The following RFTN2 variants were observed in gnomAD, a reference collection of about 807,000 sequenced individuals.
RFTN2 encodes the protein raftlin family member 2.
In RFTN2, 34 loss-of-function variants were observed where a neutral mutation model predicts 52.7. The ratio of observed to expected loss-of-function variants is 0.64; its 90% CI spans 0.49 to 0.86. The LOEUF (loss-of-function observed/expected upper bound fraction) is 0.86. Ranked by LOEUF, RFTN2 falls within the 40% of genes least tolerant of loss-of-function variation. The pLI, the probability that RFTN2 is intolerant of heterozygous loss-of-function variation, is 0.00. For missense variants in RFTN2, 536 were observed against 600.1 expected (o/e 0.89, Z 1.12); for synonymous variants, 203 against 217.7 (o/e 0.93, Z 0.59).
At chr2:197,664,486 A>G (rs1231391651) in intron 1 of RFTN2, among the ~76,000 whole-genome samples, 1 of 150,944 alleles carries the variant, frequency 6.6e-6, no homozygotes, top group African/African-American at 2.4e-5. Context: ...AAAAAAAAAA[A>G]AAAGTTGGCT....
chr2:197,573,585 G>A (rs2087362366), intron 8 of RFTN2, among the ~76,000 whole-genome samples: 1 of 152,188 alleles, frequency 6.6e-6, no homozygotes, highest in African/African-American at 2.4e-5. Flanking sequence ...TGATACCATA[G>A]AAAAGAAAAA....
At chr2:197,638,682 A>T (rs1322796856) in intron 3 of RFTN2, among the ~76,000 whole-genome samples, 2 of 148,334 alleles carry the variant, frequency 1.3e-5, no homozygotes, top group African/African-American at 5.0e-5. Context: ...ATGGGTCTTG[A>T]CTCTTTATCC....
At position 197,568,462 on chromosome 2, in the gene RFTN2, G is replaced by A. The variant is rs1267555238; in HGVS notation, c.*3546C>T. The A allele has an allele frequency of 1.3e-5, 2 of 152,072 alleles. No individual in the cohort carries two copies. The allele number at this position is 152,072 out of a possible 1,614,324, so 9.4% of individuals were successfully genotyped here. A position where few individuals can be genotyped will look rare whatever the true frequency, so the allele number is the denominator to read the frequency against. Reference sequence around the variant, plus strand: ...TGACAGACCTGGTTCTGCAAACTTTGCACTATTACACAAATAAAATTCATT... The same window carrying A: ...TGACAGACCTGGTTCTGCAAACTTTACACTATTACACAAATAAAATTCATT... On this transcript the variant is annotated 3_prime_UTR_variant, in exon 9 of 9. Coordinates refer to ENST00000295049, the MANE Select transcript of RFTN2 (RefSeq NM_144629.3).
chr2:197,610,354 A>G (rs1468118923), intron 7 of RFTN2, among the ~76,000 whole-genome samples: 7 of 152,084 alleles, frequency 4.6e-5, no homozygotes, highest in Admixed American at 3.3e-4. Flanking sequence ...TTGGATTCCT[A>G]GGTATTTTAT....
At chr2:197,580,950 G>A (rs545962973) in intron 8 of RFTN2, among the ~76,000 whole-genome samples, 6 of 151,934 alleles carry the variant, frequency 3.9e-5, no homozygotes, top group Admixed American at 2.0e-4. Flanking sequence ...GCTGCCCTTC[G>A]TCCCAACCCA....
intron 8 of RFTN2, among the ~76,000 whole-genome samples, chr2:197,586,485 A>T (rs998535939): frequency 2.0e-5 from 3 of 152,140 alleles, no homozygotes; most frequent in Non-Finnish European, 2.9e-5. Flanking sequence ...CTCTACCTAC[A>T]TGTGTCTACC....
chr2:197,586,680 G>C (rs2087604382), intron 8 of RFTN2, among the ~76,000 whole-genome samples: 1 of 152,162 alleles, frequency 6.6e-6, no homozygotes, highest in Admixed American at 6.5e-5. Context: ...TACTGGAATA[G>C]CAGGCATTTC....
intron 5 of RFTN2, among the ~76,000 whole-genome samples, chr2:197,619,393 T>C (rs1198645059): frequency 3.3e-5 from 5 of 152,240 alleles, no homozygotes; most frequent in East Asian, 1.9e-4. Flanking sequence ...TTTTGTTCTG[T>C]ACTAAGAGAA....
chr2:197,650,486 C>T (rs1395442943), intron 1 of RFTN2, among the ~76,000 whole-genome samples: 1 of 152,122 alleles, frequency 6.6e-6, no homozygotes, highest in Admixed American at 6.5e-5. Context: ...TTGTAAAATT[C>T]AATCTAAGAA....
chr2:197,608,307 C>A (rs925768384), intron 7 of RFTN2, among the ~76,000 whole-genome samples: 4 of 145,728 alleles, frequency 2.7e-5, no homozygotes, highest in Non-Finnish European at 1.5e-5. Flanking sequence ...CCTTAGGGAC[C>A]AGATTTTTTT....
rs369659686 is a variant in RFTN2, at chr2:197,617,828, A to T, written c.1022T>A (p.Ile341Asn). Residue 341 changes from isoleucine (I) to asparagine (N), a missense_variant, in exon 6 of 9, where the codon ATC (isoleucine) becomes AAC (asparagine). By Grantham distance (149) the Ile-to-Asn change is moderately radical (BLOSUM62 -3). Coordinates refer to ENST00000295049, the MANE Select transcript of RFTN2 (RefSeq NM_144629.3). ...AATAACAGTCCATTGTTCTACTACGATGGCATCATTTCCTTTCCTACTAGA... is the reference window on the plus strand; with the variant it reads ...AATAACAGTCCATTGTTCTACTACGTTGGCATCATTTCCTTTCCTACTAGA... ...PGSSRKGNDA[I>N]VVEQWTVIEG... 5 of 1,607,764 alleles carry T rather than the reference A, an allele frequency of 3.1e-6. No homozygotes were observed. In the African/African-American group the frequency reaches 4.0e-5, roughly 13 times the overall value.
intron 8 of RFTN2, among the ~76,000 whole-genome samples, chr2:197,578,599 C>T (rs922675393): frequency 6.6e-6 from 1 of 152,170 alleles, no homozygotes; most frequent in Non-Finnish European, 1.5e-5. Context: ...CGCCAGAGAA[C>T]AACCCCCTTT....
intron 8 of RFTN2, among the ~76,000 whole-genome samples, chr2:197,583,739 G>A (rs926589976): frequency 6.6e-6 from 1 of 150,536 alleles, no homozygotes; most frequent in Admixed American, 6.7e-5. Context: ...TTAACTCATT[G>A]TTTACATTAG....
rs1037574623 is a variant in RFTN2, at chr2:197,619,114, C to T, written c.929-1193G>A. ...TGAGGAGCCCCTCTGCCCGGCCAGCCGCCCCGTCCGGGAGGGAGGTGGGGG... is the reference window on the plus strand; with the variant it reads ...TGAGGAGCCCCTCTGCCCGGCCAGCTGCCCCGTCCGGGAGGGAGGTGGGGG... On this transcript the variant is annotated intron_variant, in intron 5 of 8. Transcript: ENST00000295049. 1.3e-5 allele frequency among the ~76,000 whole-genome samples: 2 copies of T among 150,732 alleles called. 1 individual carries two copies. Among genetic ancestry groups the T allele is most frequent in the African/African-American group, 4.9e-5 (2 of 41,012 alleles).
intron 1 of RFTN2, among the ~76,000 whole-genome samples, chr2:197,671,709 A>G (rs769935518): frequency 1.8e-4 from 27 of 152,216 alleles, no homozygotes; most frequent in Non-Finnish European, 3.4e-4. Context: ...TCTTGTTCTA[A>G]TAATAATGAA....
At chr2:197,653,840 G>A (rs2088856239) in intron 1 of RFTN2, among the ~76,000 whole-genome samples, 1 of 152,154 alleles carries the variant, frequency 6.6e-6, no homozygotes. Flanking sequence ...TTGAACTGGG[G>A]TGGTGTTTCC....
At chr2:197,604,134 A>T (rs1305942265) in intron 7 of RFTN2, among the ~76,000 whole-genome samples, 1 of 152,240 alleles carries the variant, frequency 6.6e-6, no homozygotes, top group African/African-American at 2.4e-5. Context: ...AAGTATGATA[A>T]TATTTTGTGT....
chr2:197,619,136 G>A (rs1026030315), intron 5 of RFTN2, among the ~76,000 whole-genome samples: 2 of 143,940 alleles, frequency 1.4e-5, no homozygotes, highest in Admixed American at 1.4e-4. Flanking sequence ...GAGGGAGGTG[G>A]GGGGGGTCAG....
At chr2:197,612,892 ATTAC>A (rs954959376) in intron 7 of RFTN2, among the ~76,000 whole-genome samples, 3 of 152,212 alleles carry the variant, frequency 2.0e-5, no homozygotes, top group Non-Finnish European at 4.4e-5. Context: ...GAATGTTGAA[ATTAC>A]TTAAGACTCT....
Sources: gnomAD v4.1 joint callset for allele counts (sites outside exome capture counted in the v4.1 genomes callset) on GRCh38, gnomAD v4.1.1 for gene constraint, MANE v1.5 for transcripts, NCBI Gene and HGNC (gene_info 2026-07-23, HGNC 2026-07-21) for gene names.